Variants in DNAH6 observed in about 807,000 individuals in gnomAD.
DNAH6 encodes axonemal beta dynein heavy chain 6.
In DNAH6, 340 loss-of-function variants were observed where a neutral mutation model predicts 491.4. The observed-to-expected ratio is 0.69, with a 90% CI of 0.63 to 0.76. DNAH6 has a LOEUF of 0.76. Among genes scored for constraint, DNAH6 ranks in the 30% least tolerant of loss-of-function variants. DNAH6 has a pLI of 0.00. For synonymous variants in DNAH6, 1,603 were observed against 1,686.1 expected (o/e 0.95, Z 1.21); for missense variants, 4,443 against 4,972.2 (o/e 0.89, Z 3.20).
At chr2:84,782,483 T>C (rs180928804) in intron 65 of DNAH6, among the ~76,000 whole-genome samples, 1 of 152,318 alleles carries the variant, frequency 6.6e-6, no homozygotes, top group East Asian at 1.9e-4. Context: ...CTTATTAAGG[T>C]GAAGAGCTGC....
Position 84,669,504 on chromosome 2 carries a change from G to T in DNAH6, c.6300G>T (p.Val2100=). The T allele has an allele frequency of 6.4e-7, 1 of 1,551,488 alleles. No homozygotes were observed. The highest frequency in any genetic ancestry group is 1.2e-5 in the South Asian group (1 of 84,050). The change falls in exon 38 of 77, where the codon GTG becomes GTT. Residue 2100 remains valine, a synonymous_variant. Coordinates refer to ENST00000389394, the MANE Select transcript of DNAH6 (RefSeq NM_001370.2). ...TGTTGTTTACTGGAATAACTGGAGT[G>T]GGCAAGGTAGGAAACTTACATCAAA... The part of the protein sequence containing the change: ...HSVLFTGITG[V]GKSVIAKGLL...
chr2:84,767,821 G>A (rs924305217), intron 64 of DNAH6, among the ~76,000 whole-genome samples: 1 of 151,830 alleles, frequency 6.6e-6, no homozygotes, highest in Non-Finnish European at 1.5e-5. Context: ...TAAACCCCAA[G>A]CATAATAAAT....
chr2:84,499,801 T>G, the DNAH6 span, among the ~76,000 whole-genome samples: 1 of 152,204 alleles, frequency 6.6e-6, no homozygotes, highest in Non-Finnish European at 1.5e-5. Context: ...TGGAACACCT[T>G]TTCATATGCC....
rs1390277287 is a variant in DNAH6 at position 84,654,582 on chromosome 2, A to T, written c.5635-78A>T. 4.6e-6 allele frequency: 7 copies of T among 1,516,370 alleles called. No homozygotes were observed. In the Admixed American group the frequency reaches 1.0e-4, roughly 22 times the overall value. 93.9% of individuals were successfully genotyped at this position (1,516,370 alleles called of 1,614,324 possible). A position where few individuals can be genotyped will look rare whatever the true frequency, so the allele number is the denominator to read the frequency against. On this transcript the variant is annotated intron_variant, in intron 34 of 76. Transcript: ENST00000389394. ...AGACTTTAAAAGTGTGAATCATTTT[A>T]TAAGTGTGAACATTGAAGTTGGAGA...
At chr2:84,720,574 G>A (rs1698043522) in intron 59 of DNAH6, among the ~76,000 whole-genome samples, 1 of 152,144 alleles carries the variant, frequency 6.6e-6, no homozygotes, top group African/African-American at 2.4e-5. Flanking sequence ...CACCGCGCCC[G>A]GCCGAGTGCT....
In DNAH6 at chr2:84,577,308, A is replaced by T. The variant is rs1166195154; in HGVS notation, c.1976A>T (p.Asp659Val). 6.2e-7 allele frequency: 1 copy of T among 1,607,812 alleles called. No individual in the cohort carries two copies. Among genetic ancestry groups the T allele is most frequent in the Non-Finnish European group, 8.5e-7 (1 of 1,177,662 alleles). Residue 659 changes from aspartate (D) to valine (V), a missense_variant, in exon 13 of 77, where the codon GAC (aspartate) becomes GTC (valine). By Grantham distance (152) the Asp-to-Val change is radical. Around this residue, in one of 3 missense-constraint regions of DNAH6, gnomAD observed 2,977 missense variants for 3,296.6 expected, o/e 0.90. Coordinates refer to ENST00000389394, the MANE Select transcript of DNAH6 (RefSeq NM_001370.2). ...QLEKYHKQHK[D>V]AVALRPTRNV... is the part of the protein sequence containing the mutation. ...GAAAAATATCACAAACAGCACAAGG[A>T]CGCAGTAGCGCTCAGACCCACCAGA...
intron 69 of DNAH6, among the ~76,000 whole-genome samples, chr2:84,796,837 A>G (rs1678402611): frequency 2.0e-5 from 3 of 152,194 alleles, no homozygotes; most frequent in Admixed American, 6.5e-5. Context: ...TCTCTAAATC[A>G]TAGTAAATAT....
chr2:84,619,538 C>T, intron 23 of DNAH6, 147 bp from the exon 24 acceptor site: 2 of 684,650 alleles, frequency 2.9e-6, no homozygotes, highest in Non-Finnish European at 4.9e-6. Context: ...AGATATGTGG[C>T]TTCCCCAGAA....
the DNAH6 span, among the ~76,000 whole-genome samples, chr2:84,507,170 T>C: frequency 6.6e-6 from 1 of 152,206 alleles, no homozygotes; most frequent in Non-Finnish European, 1.5e-5. Flanking sequence ...ATGGCCATTT[T>C]CACAATATTG....
chr2:84,772,869 A>G (rs1436103586), intron 64 of DNAH6, among the ~76,000 whole-genome samples: 1 of 152,104 alleles, frequency 6.6e-6, no homozygotes, highest in Non-Finnish European at 1.5e-5. Context: ...CACATAGTAC[A>G]TTCTCCTGGA....
intron 75 of DNAH6, among the ~76,000 whole-genome samples, chr2:84,814,585 GA>G (rs1440915128): frequency 6.6e-6 from 1 of 152,146 alleles, no homozygotes; most frequent in Non-Finnish European, 1.5e-5. Flanking sequence ...GAGGCTCCAG[GA>G]AGGTAAAGCA....
In DNAH6 at chr2:84,704,091, G is replaced by A. The variant is rs1696201335; in HGVS notation, c.8254G>A (p.Glu2752Lys). The A allele has an allele frequency of 1.3e-6, 2 of 1,551,766 alleles. No homozygotes were observed. ...DQVRNTVQED[E>K]ATAKVKAEET... ...GGTCCGTAACACTGTGCAGGAGGAT[G>A]AAGCAACAGCAAAAGTCAAAGCTGA... The change falls in exon 51 of 77, where the codon GAA becomes AAA. Residue 2752 changes from glutamate to lysine, a missense_variant. Coordinates refer to ENST00000389394, the MANE Select transcript of DNAH6 (RefSeq NM_001370.2).
chr2:84,789,819 G>T (rs2105258714), intron 68 of DNAH6, among the ~76,000 whole-genome samples: 1 of 152,166 alleles, frequency 6.6e-6, no homozygotes, highest in East Asian at 1.9e-4. Context: ...AAATCATTAG[G>T]TATTCACTTT....
chr2:84,797,732 C>A, intron 70 of DNAH6, 74 bp downstream of exon 70: 1 of 1,162,836 alleles, frequency 8.6e-7, no homozygotes, highest in Non-Finnish European at 1.2e-6. Context: ...ATCACCCCCA[C>A]TCACTCTGGA....
At chr2:84,747,660 TG>T (rs1262770892) in intron 63 of DNAH6, among the ~76,000 whole-genome samples, 1 of 152,172 alleles carries the variant, frequency 6.6e-6, no homozygotes, top group Non-Finnish European at 1.5e-5. Context: ...AGCACCCTGG[TG>T]GGGACTCTGT....
intron 42 of DNAH6, among the ~76,000 whole-genome samples, chr2:84,685,048 G>A (rs1232863587): frequency 1.3e-5 from 2 of 152,174 alleles, no homozygotes; most frequent in African/African-American, 4.8e-5. Context: ...GTAATAATGA[G>A]ATAAACCTTG....
intron 60 of DNAH6, among the ~76,000 whole-genome samples, chr2:84,723,170 A>G (rs1192335): frequency 0.036 from 5,441 of 152,222 alleles, 146 homozygotes; most frequent in South Asian, 0.061. Context: ...GGATGTTTCA[A>G]TGAGCCAAGA....
At chr2:84,581,982 G>A (rs984710051) in intron 14 of DNAH6, among the ~76,000 whole-genome samples, 1 of 152,168 alleles carries the variant, frequency 6.6e-6, no homozygotes, top group African/African-American at 2.4e-5. Flanking sequence ...ATTAATCATT[G>A]TACTAGGACA....
intron 37 of DNAH6, among the ~76,000 whole-genome samples, 174 bp from the exon 38 acceptor site, chr2:84,669,115 T>C (rs1296673489): frequency 6.6e-6 from 1 of 152,164 alleles, no homozygotes; most frequent in African/African-American, 2.4e-5. Context: ...GTTGCATGAT[T>C]TTGTTTAAAT....
Sources: allele counts gnomAD v4.1 joint callset (sites outside exome capture counted in the v4.1 genomes callset), GRCh38; gene constraint gnomAD v4.1.1; regional missense constraint gnomAD v4.1.1; transcripts MANE v1.5; gene names NCBI Gene and HGNC (gene_info 2026-07-23, HGNC 2026-07-21).